INTS4: variants seen among roughly 807,000 people sequenced by gnomAD.
The protein encoded by INTS4 is integrator complex subunit 4.
Under a neutral mutation model 119.5 loss-of-function variants are expected in INTS4, and 70 were observed. That is an observed-to-expected ratio of 0.59 (90% CI 0.48 to 0.71). The LOEUF is 0.71. Ranked by LOEUF, INTS4 falls within the 30% of genes least tolerant of loss-of-function variation. The probability of loss-of-function intolerance (pLI) is 0.00; values close to 1 mark genes in which losing one functional copy is unlikely to be tolerated. For synonymous variants in INTS4, 316 were observed against 419.6 expected (o/e 0.75, Z 3.02); for missense variants, 867 against 1,173.2 (o/e 0.74, Z 3.81).
At chr11:77,918,466 A>G (rs1241630564) in intron 15 of INTS4, 2 of 279,630 alleles carry the variant, frequency 7.2e-6, no homozygotes, top group African/African-American at 4.5e-5. Flanking sequence ...CCTGATGGTC[A>G]TCTCAGCCCT....
chr11:77,957,264 TAACCCACC>T (rs1954351775), intron 7 of INTS4, among the ~76,000 whole-genome samples: 1 of 152,118 alleles, frequency 6.6e-6, no homozygotes, highest in Admixed American at 6.6e-5. Context: ...TAAAAGTGTG[TAACCCACC>T]AAAGGTTCAG....
In INTS4 at chr11:77,901,488, T is replaced by G. The variant is rs771826559; in HGVS notation, c.2161A>C (p.Ile721Leu). 1 of 1,613,442 alleles carries G rather than the reference T, an allele frequency of 6.2e-7. No individual in the cohort carries two copies. Among genetic ancestry groups the G allele is most frequent in the Non-Finnish European group, 8.5e-7 (1 of 1,179,374 alleles). ...YSGVENKQVVIIHHMRLQAKA... is the reference protein window; with the variant it reads ...YSGVENKQVVLIHHMRLQAKA... ...GCCTGCAGCCTCATGTGATGTATAATCACCACCTGCTTATTCTCCACACCA... is the reference window on the plus strand; with the variant it reads ...GCCTGCAGCCTCATGTGATGTATAAGCACCACCTGCTTATTCTCCACACCA... The change falls in exon 18 of 23, where the codon ATT becomes CTT. Residue 721 changes from isoleucine to leucine, a missense_variant. Coordinates refer to ENST00000534064, the MANE Select transcript of INTS4 (RefSeq NM_033547.4).
At chr11:77,990,406 C>A (rs1209863738) in intron 2 of INTS4, among the ~76,000 whole-genome samples, 1 of 151,826 alleles carries the variant, frequency 6.6e-6, no homozygotes, top group Non-Finnish European at 1.5e-5. Flanking sequence ...GTTTTTTTGG[C>A]CAGACGCAGT....
chr11:77,958,704 C>T (rs188512318), intron 7 of INTS4, 42 bp downstream of exon 7: 9 of 1,206,312 alleles, frequency 7.5e-6, no homozygotes, highest in South Asian at 3.7e-5. Context: ...GAGAGGAAAA[C>T]GGCTTCACAA....
chr11:77,987,644 T>G (rs1285729438), intron 2 of INTS4: 1 of 450,710 alleles, frequency 2.2e-6, no homozygotes, highest in Non-Finnish European at 4.5e-6. Flanking sequence ...AGCAGGAGGG[T>G]TGCTTGAGCT....
At chr11:77,924,946 C>A in intron 11 of INTS4, 54 bp from the exon 12 acceptor site, 1 of 1,388,062 alleles carries the variant, frequency 7.2e-7, no homozygotes, top group Non-Finnish European at 1.0e-6. Context: ...GCAGACTCAG[C>A]CTCTATCTAC....
chr11:77,972,394 C>T (rs1050227549), intron 4 of INTS4, among the ~76,000 whole-genome samples: 4 of 148,450 alleles, frequency 2.7e-5, no homozygotes, highest in Admixed American at 6.7e-5. Context: ...CCACCACACC[C>T]GGCCAATTTC....
intron 19 of INTS4, among the ~76,000 whole-genome samples, chr11:77,892,178 C>T (rs1202095650): frequency 1.3e-5 from 2 of 152,134 alleles, no homozygotes; most frequent in Admixed American, 6.5e-5. Flanking sequence ...TTAAGACCTA[C>T]GAAGCGCCAA....
At chr11:77,957,180 G>A (rs948157340) in intron 7 of INTS4, among the ~76,000 whole-genome samples, 3 of 152,144 alleles carry the variant, frequency 2.0e-5, no homozygotes, top group East Asian at 1.9e-4. Flanking sequence ...CAATCCACCC[G>A]CCTCAGCCTC....
intron 10 of INTS4, among the ~76,000 whole-genome samples, chr11:77,934,394 T>TAAAAAA (rs57661146): frequency 1.6e-5 from 2 of 125,392 alleles, no homozygotes; most frequent in Non-Finnish European, 3.3e-5. Flanking sequence ...CAATAAATAC[T>TAAAAAA]AAAAAAAAAA....
chr11:77,987,692 T>C (rs1270954426), intron 2 of INTS4: 3 of 445,428 alleles, frequency 6.7e-6, no homozygotes, highest in Non-Finnish European at 1.4e-5. Context: ...ACAGAGAGAC[T>C]CCATCTCTAC....
At chr11:77,915,943 G>C (rs1045724267) in intron 15 of INTS4, among the ~76,000 whole-genome samples, 2 of 152,166 alleles carry the variant, frequency 1.3e-5, no homozygotes, top group African/African-American at 4.8e-5. Context: ...CAGCTTTATT[G>C]GTAGCATCCT....
At chr11:77,930,699 T>C (rs959194100) in intron 10 of INTS4, among the ~76,000 whole-genome samples, 4 of 152,200 alleles carry the variant, frequency 2.6e-5, no homozygotes, top group Admixed American at 2.0e-4. Context: ...GTTGAAGATA[T>C]GTCGGCCAGG....
At chr11:77,921,905 C>T (rs1953370808) in intron 13 of INTS4, among the ~76,000 whole-genome samples, 1 of 152,096 alleles carries the variant, frequency 6.6e-6, no homozygotes, top group Admixed American at 6.5e-5. Flanking sequence ...GTGGCAGGCA[C>T]CTGTAATCCC....
At chr11:77,987,982 C>G (rs930109680) in intron 2 of INTS4, among the ~76,000 whole-genome samples, 32 of 152,160 alleles carry the variant, frequency 2.1e-4, no homozygotes, top group African/African-American at 6.5e-4. Context: ...ATGGTGAAAC[C>G]TCATCTCTAT....
intron 4 of INTS4, among the ~76,000 whole-genome samples, chr11:77,977,242 C>T (rs1413845123): frequency 2.0e-5 from 3 of 151,772 alleles, no homozygotes; most frequent in Admixed American, 6.6e-5. Flanking sequence ...GTATTATTTC[C>T]AATTAAATAA....
chr11:77,982,142 T>G (rs541219809), intron 2 of INTS4, among the ~76,000 whole-genome samples: 1 of 151,290 alleles, frequency 6.6e-6, no homozygotes, highest in African/African-American at 2.4e-5. Context: ...CTGTCTTTTT[T>G]TTTTTTTTTT....
intron 2 of INTS4, among the ~76,000 whole-genome samples, 200 bp from the exon 3 acceptor site, chr11:77,981,776 T>TTTA (rs1444629395): frequency 6.7e-6 from 1 of 149,102 alleles, no homozygotes. Flanking sequence ...TATTTATTTA[T>TTTA]TTTTGAGATG....
At chr11:77,882,442 ACTGTAATTTG>A (rs1951830792) in intron 22 of INTS4, among the ~76,000 whole-genome samples, 1 of 152,128 alleles carries the variant, frequency 6.6e-6, no homozygotes, top group African/African-American at 2.4e-5. Context: ...GCTACAGCAT[ACTGTAATTTG>A]CTTTCCTGAG....
Sources: allele counts gnomAD v4.1 joint callset (sites outside exome capture counted in the v4.1 genomes callset), GRCh38; gene constraint gnomAD v4.1.1; transcripts MANE v1.5; gene names NCBI Gene and HGNC (gene_info 2026-07-23, HGNC 2026-07-21).